Variants in ESCO2 observed in about 807,000 individuals in gnomAD.
ESCO2 encodes N-acetyltransferase ESCO2.
A neutral mutation model predicts 61.7 loss-of-function variants in ESCO2; 51 were observed. The observed-to-expected ratio is 0.83, with a 90% CI of 0.66 to 1.04. ESCO2 has a LOEUF of 1.04. ESCO2 is among the 50% of genes least tolerant of loss of function. The pLI is 0.00. For missense variants in ESCO2, 692 were observed against 686.2 expected, an observed-to-expected ratio of 1.01 and a Z score of -0.09; for synonymous variants, 230 against 238.2, an observed-to-expected ratio of 0.97 and a Z score of 0.32.
At chr8:27,819,564 A>G in the ESCO2 span, among the ~76,000 whole-genome samples, 1 of 152,232 alleles carries the variant, frequency 6.6e-6, no homozygotes, top group Admixed American at 6.5e-5. Context: ...GTTAAGGAAT[A>G]TCACCTATTA....
At chr8:27,791,903 A>G (rs1251606893) in intron 7 of ESCO2, 60 bp from the exon 8 acceptor site, 1 of 1,387,194 alleles carries the variant, frequency 7.2e-7, no homozygotes, top group Non-Finnish European at 1.0e-6. Context: ...AAATTATTTA[A>G]TGTTGGTTTT....
intron 7 of ESCO2, among the ~76,000 whole-genome samples, chr8:27,789,668 C>T (rs1411288032): frequency 1.3e-5 from 2 of 151,658 alleles, no homozygotes; most frequent in Non-Finnish European, 2.9e-5. Flanking sequence ...GTAATCCCAG[C>T]TACTCGGGAG....
chr8:27,808,530 A>C (rs990017990), downstream of ESCO2, among the ~76,000 whole-genome samples: 2 of 148,580 alleles, frequency 1.3e-5, no homozygotes, highest in Non-Finnish European at 3.0e-5. Flanking sequence ...AAAAAAAAAA[A>C]TTAGCCAGGT....
intron 5 of ESCO2, among the ~76,000 whole-genome samples, chr8:27,784,603 G>A (rs554172526): frequency 6.6e-6 from 1 of 152,250 alleles, no homozygotes; most frequent in Non-Finnish European, 1.5e-5. Context: ...GCTGGCTGGA[G>A]GAGTAAGTAA....
At chr8:27,810,542 TTA>T (rs750278651), downstream of ESCO2, 1 of 1,290,846 alleles carries the variant, frequency 7.7e-7, no homozygotes, top group Non-Finnish European at 1.1e-6. Context: ...CAAAATCACT[TTA>T]TGTCATGGAA....
downstream of ESCO2, among the ~76,000 whole-genome samples, chr8:27,814,167 C>T (rs988119986): frequency 2.0e-5 from 3 of 152,110 alleles, no homozygotes; most frequent in African/African-American, 7.2e-5. Flanking sequence ...TAGAAATCAA[C>T]AGTAAAACAT....
At chr8:27,775,244 C>T (rs1162283299) in intron 1 of ESCO2, among the ~76,000 whole-genome samples, 1 of 152,166 alleles carries the variant, frequency 6.6e-6, no homozygotes, top group Non-Finnish European at 1.5e-5. Context: ...CAGACGGTCT[C>T]TGCCTTCATT....
At chr8:27,816,359 T>TATATATATA (rs1563489324), downstream of ESCO2, among the ~76,000 whole-genome samples, 196 of 126,702 alleles carry the variant, frequency 1.5e-3, 1 homozygote, top group African/African-American at 5.3e-3. Context: ...ATATATATAT[T>TATATATATA]TATTTATTTA....
At chr8:27,792,928 T>C (rs1335035641) in intron 9 of ESCO2, 117 bp downstream of exon 9, 1 of 1,163,612 alleles carries the variant, frequency 8.6e-7, no homozygotes, top group East Asian at 2.5e-5. Flanking sequence ...TACTGAAATA[T>C]CCTTGACCTA....
In ESCO2 at chr8:27,792,723, C is replaced by T. The variant is rs766239671; in HGVS notation, c.1409C>T (p.Pro470Leu). Residue 470 changes from proline (P) to leucine (L), a missense_variant, in exon 9 of 11, where the codon CCT becomes CTT. Pro to Leu is a moderately conservative substitution (Grantham distance 98, BLOSUM62 -3). Coordinates refer to ENST00000305188, the MANE Select transcript of ESCO2 (RefSeq NM_001017420.3). ...GAATTGGGCTTCCAGCAAGTTGTTC[C>T]TAAATGTCCAAACAAAATAAAAACT... ...DNELGFQQVV[P>L]KCPNKIKTFL... The T allele has an allele frequency of 6.2e-7, 1 of 1,612,146 alleles. No homozygotes were observed. Among genetic ancestry groups the T allele is most frequent in the Non-Finnish European group, 8.5e-7 (1 of 1,179,418 alleles).
intron 9 of ESCO2, among the ~76,000 whole-genome samples, chr8:27,797,500 T>TA (rs1805327303): frequency 6.6e-6 from 1 of 152,244 alleles, no homozygotes; most frequent in African/African-American, 2.4e-5. Flanking sequence ...CTTGTGTTTT[T>TA]ATCCATTTAG....
chr8:27,800,474 G>T (rs745854634), intron 10 of ESCO2, among the ~76,000 whole-genome samples: 1 of 152,148 alleles, frequency 6.6e-6, no homozygotes, highest in Non-Finnish European at 1.5e-5. Context: ...GACAAGTGTT[G>T]GTGAGGATGT....
intron 1 of ESCO2, 23 bp from the exon 2 acceptor site, chr8:27,775,476 G>A: frequency 6.3e-7 from 1 of 1,583,604 alleles, no homozygotes; most frequent in Non-Finnish European, 8.7e-7. Context: ...TTTGATGAAT[G>A]TGGTTATTGT....
At position 27,787,971 on chromosome 8, in the gene ESCO2, C is replaced by A. The variant is rs1026091386; in HGVS notation, c.1100C>A (p.Thr367Lys). The A allele has an allele frequency of 6.2e-7, 1 of 1,613,124 alleles. No individual in the cohort carries two copies. The highest frequency in any genetic ancestry group is 2.2e-5 in the East Asian group (1 of 44,824). The change falls in exon 6 of 11, where the codon ACA becomes AAA. Residue 367 changes from threonine to lysine, a missense_variant. Physicochemically the swap from Thr to Lys is moderately conservative, Grantham distance 78. Coordinates refer to ENST00000305188, the MANE Select transcript of ESCO2 (RefSeq NM_001017420.3). The stretch of plus-strand genomic sequence containing the variant: ...CAGAAAAATACTAATACCAGAGATA[C>A]AAGTAAAAAAACAAAAGACCAGCTC... ...NIQKNTNTRD[T>K]SKKTKDQLII...
intron 4 of ESCO2, among the ~76,000 whole-genome samples, chr8:27,782,983 A>AT (rs144108016): frequency 0.027 from 4,075 of 150,918 alleles, 68 homozygotes; most frequent in Middle Eastern, 0.049. Context: ...ATTTATATGT[A>AT]TTTTTTTTTC....
At chr8:27,781,136 T>C (rs946319911) in intron 4 of ESCO2, among the ~76,000 whole-genome samples, 5 of 152,184 alleles carry the variant, frequency 3.3e-5, no homozygotes, top group Non-Finnish European at 7.4e-5. Context: ...ATAAAAGTAA[T>C]ATAAAAAGAC....
At chr8:27,800,482 T>C (rs1381146495) in intron 10 of ESCO2, among the ~76,000 whole-genome samples, 1 of 152,144 alleles carries the variant, frequency 6.6e-6, no homozygotes, top group East Asian at 1.9e-4. Flanking sequence ...TTGGTGAGGA[T>C]GTAGAGGAAA....
At chr8:27,778,876 T>C (rs866988639) in intron 3 of ESCO2, 3 of 152,230 alleles carry the variant, frequency 2.0e-5, no homozygotes, top group Non-Finnish European at 4.4e-5. Flanking sequence ...TAAATACCCA[T>C]GTCTGGGATT....
intron 6 of ESCO2, among the ~76,000 whole-genome samples, chr8:27,788,378 T>TA (rs1805095814): frequency 6.6e-6 from 1 of 152,242 alleles, no homozygotes; most frequent in Non-Finnish European, 1.5e-5. Flanking sequence ...ATTTTAGCTG[T>TA]AATTTCCACA....
Sources: allele counts gnomAD v4.1 joint callset (sites outside exome capture counted in the v4.1 genomes callset), GRCh38; gene constraint gnomAD v4.1.1; transcripts MANE v1.5; gene names NCBI Gene and HGNC (gene_info 2026-07-23, HGNC 2026-07-21).